RXFP1: variants seen among roughly 807,000 people sequenced by gnomAD.
RXFP1 encodes relaxin receptor 1.
A neutral mutation model predicts 89.8 loss-of-function variants in RXFP1; 73 were observed. That is an observed-to-expected ratio of 0.81 (90% CI 0.67 to 0.99). The LOEUF (loss-of-function observed/expected upper bound fraction) is 0.99. Among genes scored for constraint, RXFP1 ranks in the 50% least tolerant of loss-of-function variants. The pLI is 0.00. For synonymous variants in RXFP1, 277 were observed against 305.5 expected, an observed-to-expected ratio of 0.91 and a Z score of 0.97; for missense variants, 793 against 895.5, an observed-to-expected ratio of 0.89 and a Z score of 1.46.
chr4:158,634,035 C>CT (rs1768639793), intron 12 of RXFP1, among the ~76,000 whole-genome samples: 1 of 152,178 alleles, frequency 6.6e-6, no homozygotes. Flanking sequence ...TAGGTACCTA[C>CT]TCTCAAAAGT....
chr4:158,526,150 T>A (rs141396010), intron 1 of RXFP1, among the ~76,000 whole-genome samples: 3 of 152,252 alleles, frequency 2.0e-5, no homozygotes, highest in Non-Finnish European at 4.4e-5. Context: ...TCTCCTCTAA[T>A]GAGCTGGTGC....
intron 1 of RXFP1, among the ~76,000 whole-genome samples, chr4:158,535,915 G>A (rs1281505010): frequency 2.6e-5 from 4 of 151,932 alleles, no homozygotes; most frequent in Non-Finnish European, 2.9e-5. Flanking sequence ...CTTTAACTCT[G>A]GAAAGCCCTC....
intron 1 of RXFP1, among the ~76,000 whole-genome samples, chr4:158,556,312 G>GA (rs1341874870): frequency 1.3e-5 from 2 of 150,942 alleles, no homozygotes; most frequent in African/African-American, 4.9e-5. Flanking sequence ...ACAGATATAT[G>GA]AAAAAATACT....
intron 9 of RXFP1, among the ~76,000 whole-genome samples, chr4:158,618,204 A>G (rs928943810): frequency 1.3e-5 from 2 of 152,134 alleles, no homozygotes; most frequent in East Asian, 1.9e-4. Context: ...TTTTGGTTCA[A>G]ATGAATACAT....
chr4:158,647,827 C>G (rs774764391), intron 16 of RXFP1, among the ~76,000 whole-genome samples: 5 of 152,098 alleles, frequency 3.3e-5, no homozygotes, highest in Non-Finnish European at 5.9e-5. Flanking sequence ...ACCAGCCTGA[C>G]CAATATGGTA....
intron 1 of RXFP1, among the ~76,000 whole-genome samples, chr4:158,523,638 G>C (rs940671745): frequency 1.3e-5 from 2 of 152,064 alleles, no homozygotes; most frequent in Non-Finnish European, 2.9e-5. Context: ...AGGAAATGAG[G>C]GCATAAACAT....
chr4:158,648,871 G>A (rs868376801), intron 17 of RXFP1, among the ~76,000 whole-genome samples, 154 bp downstream of exon 17: 18 of 152,352 alleles, frequency 1.2e-4, no homozygotes, highest in African/African-American at 4.1e-4. Context: ...CCAGCACTCT[G>A]GGAGGCCAAG....
Position 158,652,246 on chromosome 4 carries a change from ATATT to A in RXFP1, c.*192_*195del. ...AAGTAATTATATCAATAATGTATATATATTAGTAGACATTTTGCATAAGAAATTA... is the reference window on the plus strand; with the variant it reads ...AAGTAATTATATCAATAATGTATATAAGTAGACATTTTGCATAAGAAATTA... On this transcript the variant is annotated 3_prime_UTR_variant, in exon 18 of 18. Coordinates refer to ENST00000307765, the MANE Select transcript of RXFP1 (RefSeq NM_021634.4). 4.0e-6 allele frequency: 2 copies of A among 503,592 alleles called. No homozygotes were observed. Among genetic ancestry groups the A allele is most frequent in the Non-Finnish European group, 3.5e-6 (1 of 289,716 alleles). The allele number at this position is 503,592 out of a possible 1,614,324, so 31.2% of individuals were successfully genotyped here.
intron 1 of RXFP1, among the ~76,000 whole-genome samples, chr4:158,545,441 C>T (rs1014943673): frequency 4.6e-5 from 7 of 152,156 alleles, no homozygotes; most frequent in African/African-American, 1.7e-4. Context: ...TGTGCAGAAG[C>T]TCTTTAGTTT....
At chr4:158,539,493 TA>T (rs550084032) in intron 1 of RXFP1, among the ~76,000 whole-genome samples, 45 of 144,948 alleles carry the variant, frequency 3.1e-4, no homozygotes, top group Admixed American at 1.4e-3. Context: ...TAATAAAATT[TA>T]AAAAAAAAAG....
chr4:158,521,957 A>G lies in RXFP1; in HGVS notation c.-20A>G. On this transcript the variant is annotated 5_prime_UTR_variant, in exon 1 of 18. Coordinates refer to ENST00000307765, the MANE Select transcript of RXFP1 (RefSeq NM_021634.4). ...CAAATTTTGCTCACTTTCATTAATC[A>G]GTTGCTCAGATAGAAGGAAATGACA... The G allele has an allele frequency of 6.2e-7, 1 of 1,600,968 alleles. No individual in the cohort carries two copies. The highest frequency in any genetic ancestry group is 8.5e-7 in the Non-Finnish European group (1 of 1,170,646).
chr4:158,592,605 AG>A (rs1451471367), intron 2 of RXFP1, among the ~76,000 whole-genome samples: 3 of 152,216 alleles, frequency 2.0e-5, no homozygotes, highest in African/African-American at 7.2e-5. Context: ...ACATAAAAAA[AG>A]TTAATAATCA....
intron 1 of RXFP1, among the ~76,000 whole-genome samples, chr4:158,531,099 C>A (rs540295706): frequency 1.7e-4 from 26 of 152,250 alleles, no homozygotes; most frequent in African/African-American, 6.0e-4. Context: ...TGCAGTGATG[C>A]AATCTTGGCT....
At chr4:158,564,696 G>C (rs1172207880) in intron 1 of RXFP1, among the ~76,000 whole-genome samples, 1 of 151,956 alleles carries the variant, frequency 6.6e-6, no homozygotes, top group East Asian at 1.9e-4. Flanking sequence ...GGATAGCTGG[G>C]TTACACAACG....
intron 1 of RXFP1, among the ~76,000 whole-genome samples, chr4:158,536,085 T>G (rs1745217889): frequency 1.3e-5 from 2 of 152,222 alleles, no homozygotes; most frequent in Admixed American, 1.3e-4. Flanking sequence ...TCTGTACTCT[T>G]TAATCAATCA....
rs372172848 is a variant in RXFP1 at position 158,605,187 on chromosome 4, G to A, written c.464+48G>A. On this transcript the variant is annotated intron_variant, in intron 5 of 17. Coordinates refer to ENST00000307765, the MANE Select transcript of RXFP1 (RefSeq NM_021634.4). ...GTATTACAATTAACTAGCATTTTTG[G>A]CCATGTCTTTTTCTTCCTACTTCTG... 35 of 1,203,084 alleles carry A rather than the reference G, an allele frequency of 2.9e-5. 1 individual carries two copies. The African/African-American group carries it at 4.8e-4, about 17-fold the overall frequency. 74.5% of individuals were successfully genotyped at this position (1,203,084 alleles called of 1,614,324 possible). A position where few individuals can be genotyped will look rare whatever the true frequency, so the allele number is the denominator to read the frequency against.
intron 5 of RXFP1, chr4:158,607,019 G>T: frequency 2.0e-6 from 3 of 1,482,800 alleles, no homozygotes; most frequent in Admixed American, 2.0e-5. Context: ...GCTCCTAAAA[G>T]TTATAACAAA....
chr4:158,598,935 T>G (rs1761146837), intron 3 of RXFP1, among the ~76,000 whole-genome samples: 1 of 151,864 alleles, frequency 6.6e-6, no homozygotes, highest in South Asian at 2.1e-4. Flanking sequence ...TACTTTATTT[T>G]TAAGTGGCAG....
chr4:158,567,925 G>T (rs534975955), intron 1 of RXFP1, among the ~76,000 whole-genome samples: 2 of 152,294 alleles, frequency 1.3e-5, no homozygotes, highest in South Asian at 4.1e-4. Flanking sequence ...TTGTTCTTTT[G>T]CTCGTTGCAA....
Sources: allele counts gnomAD v4.1 joint callset (sites outside exome capture counted in the v4.1 genomes callset), GRCh38; gene constraint gnomAD v4.1.1; transcripts MANE v1.5; gene names NCBI Gene and HGNC (gene_info 2026-07-23, HGNC 2026-07-21).